The following MTUS2 variants were observed in gnomAD, a reference collection of about 807,000 sequenced individuals.
The protein encoded by MTUS2 is microtubule associated scaffold protein 2, also known as microtubule-associated tumor suppressor candidate 2.
MTUS2 carries 40 observed loss-of-function variants against 114.1 expected under a neutral mutation model. The observed-to-expected ratio is 0.35, with a 90% confidence interval of 0.27 to 0.46. MTUS2 has a LOEUF of 0.46. MTUS2 is among the 20% of genes least tolerant of loss of function. MTUS2 has a pLI of 1.00. For missense variants in MTUS2, 1,679 were observed against 1,705.4 expected, an observed-to-expected ratio of 0.98 and a Z score of 0.27; for synonymous variants, 688 against 672.0, an observed-to-expected ratio of 1.02 and a Z score of -0.37.
At chr13:29,031,806 C>G (rs922962138) in intron 3 of MTUS2, among the ~76,000 whole-genome samples, 1 of 152,028 alleles carries the variant, frequency 6.6e-6, no homozygotes, top group Admixed American at 6.6e-5. Context: ...ACCCTTCCCC[C>G]ACCACTATCC....
chr13:29,060,584 C>G (rs1888368297), intron 4 of MTUS2, among the ~76,000 whole-genome samples: 1 of 126,388 alleles, frequency 7.9e-6, no homozygotes, highest in Admixed American at 8.4e-5. Context: ...CTTGGTAAAT[C>G]ACTTTTCGGT....
At chr13:29,463,449 A>AT (rs932123632) in intron 9 of MTUS2, among the ~76,000 whole-genome samples, 27 of 152,236 alleles carry the variant, frequency 1.8e-4, no homozygotes, top group Non-Finnish European at 3.2e-4. Flanking sequence ...TAGAAGGAAG[A>AT]TTTTTTTTAG....
chr13:29,047,430 A>G (rs1378935327), intron 4 of MTUS2, among the ~76,000 whole-genome samples: 1 of 151,808 alleles, frequency 6.6e-6, no homozygotes, highest in African/African-American at 2.4e-5. Flanking sequence ...AAATATCCCC[A>G]TGTCTAAATT....
intron 7 of MTUS2, among the ~76,000 whole-genome samples, chr13:29,339,183 A>G (rs1216561654): frequency 1.3e-5 from 2 of 152,152 alleles, no homozygotes; most frequent in East Asian, 1.9e-4. Context: ...TAGAGCTCCC[A>G]AGGTGGCTCT....
chr13:28,952,265 TAAC>T (rs1371630205), intron 2 of MTUS2, among the ~76,000 whole-genome samples: 2 of 152,342 alleles, frequency 1.3e-5, no homozygotes, highest in East Asian at 1.9e-4. Context: ...CAGTCAGTGT[TAAC>T]AACCTCACAC....
At chr13:29,453,554 C>T (rs1468395517) in intron 9 of MTUS2, among the ~76,000 whole-genome samples, 1 of 151,390 alleles carries the variant, frequency 6.6e-6, no homozygotes, top group Non-Finnish European at 1.5e-5. Flanking sequence ...TCTGGGAGTT[C>T]GGAGGAGGGT....
At chr13:29,262,105 C>T (rs998524425) in intron 5 of MTUS2, among the ~76,000 whole-genome samples, 1 of 152,224 alleles carries the variant, frequency 6.6e-6, no homozygotes, top group African/African-American at 2.4e-5. Flanking sequence ...CCTGGGCTGG[C>T]TGATGCTGGC....
At chr13:29,381,072 G>C (rs1158527063) in intron 8 of MTUS2, among the ~76,000 whole-genome samples, 1 of 152,206 alleles carries the variant, frequency 6.6e-6, no homozygotes, top group Non-Finnish European at 1.5e-5. Context: ...GGAAGAAAGA[G>C]GTGGAACAAC....
chr13:29,390,149 TACAC>T lies in MTUS2; in HGVS notation c.3117+30685_3117+30688del, dbSNP rs571275988. On this transcript the variant is annotated intron_variant, in intron 8 of 15. Coordinates refer to ENST00000612955, the MANE Select transcript of MTUS2 (RefSeq NM_001033602.4). Reference sequence around the variant, plus strand: ...AACATATATACTGACTATATATATATACACACACACACTTGTGTGTGTGTGTGTT... The same window carrying T: ...AACATATATACTGACTATATATATATACACACACTTGTGTGTGTGTGTGTT... 5.4e-4 allele frequency among the ~76,000 whole-genome samples: 56 copies of T among 103,884 alleles called. 10 individuals are homozygous for T. Among genetic ancestry groups the T allele is most frequent in the Non-Finnish European group, 9.9e-4 (47 of 47,446 alleles). 68.2% of individuals were successfully genotyped at this position (103,884 alleles called of 152,430 possible). A position where few individuals can be genotyped will look rare whatever the true frequency, so the allele number is the denominator to read the frequency against.
At chr13:29,419,097 C>G (rs1260153836) in intron 8 of MTUS2, among the ~76,000 whole-genome samples, 2 of 152,114 alleles carry the variant, frequency 1.3e-5, no homozygotes, top group Non-Finnish European at 2.9e-5. Context: ...ACTTAGTGTC[C>G]ATCTTTACAC....
intron 9 of MTUS2, among the ~76,000 whole-genome samples, chr13:29,454,649 C>T (rs1878972977): frequency 6.6e-6 from 1 of 152,180 alleles, no homozygotes; most frequent in Non-Finnish European, 1.5e-5. Flanking sequence ...AATGATTCTT[C>T]CCTACACTTG....
At chr13:29,069,414 C>T (rs1232342775) in intron 4 of MTUS2, among the ~76,000 whole-genome samples, 4 of 152,176 alleles carry the variant, frequency 2.6e-5, no homozygotes, top group Non-Finnish European at 5.9e-5. Context: ...CCTTCGTCTA[C>T]CTTTTTGCTC....
chr13:29,117,413 C>G (rs1891134392), intron 5 of MTUS2, among the ~76,000 whole-genome samples: 1 of 152,204 alleles, frequency 6.6e-6, no homozygotes, highest in African/African-American at 2.4e-5. Flanking sequence ...TCCTCCACAT[C>G]TTTTAGTGGC....
At chr13:28,861,439 C>CTTTTTTTTTTTTT (rs11462684) in intron 2 of MTUS2, among the ~76,000 whole-genome samples, 1 of 139,460 alleles carries the variant, frequency 7.2e-6, no homozygotes, top group Non-Finnish European at 1.5e-5. Context: ...CTGTTTTTTT[C>CTTTTTTTTTTTTT]TTTTTTTTTT....
At chr13:29,098,548 G>C (rs1209938896) in intron 4 of MTUS2, among the ~76,000 whole-genome samples, 1 of 152,066 alleles carries the variant, frequency 6.6e-6, no homozygotes, top group Non-Finnish European at 1.5e-5. Context: ...ATGGGAAAGG[G>C]AAACCTAGAA....
intron 2 of MTUS2, among the ~76,000 whole-genome samples, chr13:29,015,356 G>A (rs1473792267): frequency 6.6e-6 from 1 of 152,178 alleles, no homozygotes; most frequent in African/African-American, 2.4e-5. Flanking sequence ...TTCAAGAAAA[G>A]GGATGGAGCG....
At chr13:29,326,909 G>A (rs1900541188) in intron 7 of MTUS2, among the ~76,000 whole-genome samples, 1 of 152,174 alleles carries the variant, frequency 6.6e-6, no homozygotes, top group Non-Finnish European at 1.5e-5. Flanking sequence ...GAACCTGGGA[G>A]GCAGAGGTTG....
intron 8 of MTUS2, among the ~76,000 whole-genome samples, chr13:29,413,100 A>G (rs9550467): frequency 0.25 from 38,089 of 152,098 alleles, 5,237 homozygotes; most frequent in African/African-American, 0.36. Flanking sequence ...CTCCCTAGGT[A>G]AATTCAGCTA....
rs1399760652 is a variant in MTUS2 at position 29,497,305 on chromosome 13, C to T, written c.3647C>T (p.Ala1216Val). 6.2e-7 allele frequency: 1 copy of T among 1,612,042 alleles called. No individual in the cohort carries two copies. Among genetic ancestry groups the T allele is most frequent in the East Asian group, 2.2e-5 (1 of 44,868 alleles). The change falls in exon 13 of 16, where the codon GCC becomes GTC. Residue 1216 changes from alanine to valine, a missense_variant. Physicochemically the swap from Ala to Val is moderately conservative, Grantham distance 64. Coordinates refer to ENST00000612955, the MANE Select transcript of MTUS2 (RefSeq NM_001033602.4). ...LRDRARRFEE[A>V]LRKNTEEQLE... The stretch of plus-strand genomic sequence containing the variant: ...GACAGAGCCCGCCGCTTCGAAGAGG[C>T]CTTGAGGAAGAACACAGAGGAGCAG...
Sources: gnomAD v4.1 joint callset for allele counts (sites outside exome capture counted in the v4.1 genomes callset) on GRCh38, gnomAD v4.1.1 for gene constraint, MANE v1.5 for transcripts, NCBI Gene and HGNC (gene_info 2026-07-23, HGNC 2026-07-21) for gene names.